AP3S2: variants seen among roughly 807,000 people sequenced by gnomAD.
AP3S2 encodes adaptor related protein complex 3 subunit sigma 2.
In AP3S2, 22 loss-of-function variants were observed where a neutral mutation model predicts 23.4. That is an observed-to-expected ratio of 0.94 (90% CI 0.67 to 1.34). The LOEUF (loss-of-function observed/expected upper bound fraction) is 1.34, where lower values mean the gene tolerates loss of function less well. Ranked by LOEUF, AP3S2 falls within the 40% of genes most tolerant of loss-of-function variation. AP3S2 has a pLI of 0.00. For missense variants in AP3S2, 241 were observed against 236.9 expected (o/e 1.02, Z -0.11); for synonymous variants, 86 against 87.1 (o/e 0.99, Z 0.07).
chr15:89,852,290 GT>G (rs1457109399), intron 4 of AP3S2: 1 of 152,188 alleles, frequency 6.6e-6, no homozygotes, highest in East Asian at 1.9e-4. Flanking sequence ...TATCTATTAC[GT>G]GCCTAGTTCT....
intron 4 of AP3S2, among the ~76,000 whole-genome samples, chr15:89,869,567 T>TAAA (rs527600193): frequency 4.9e-5 from 6 of 123,404 alleles, no homozygotes; most frequent in African/African-American, 1.5e-4. Context: ...GAATTATCAA[T>TAAA]AAAAAAAAAA....
intron 4 of AP3S2, among the ~76,000 whole-genome samples, chr15:89,859,009 GTTTTTTTCTTTT>G (rs918757193): frequency 3.3e-5 from 5 of 151,190 alleles, no homozygotes; most frequent in East Asian, 2.0e-4. Flanking sequence ...CCTTGCTTTT[GTTTTTTTCTTTT>G]TTTTTTTCTT....
At chr15:89,856,327 C>G (rs1895834751) in intron 4 of AP3S2, among the ~76,000 whole-genome samples, 1 of 152,176 alleles carries the variant, frequency 6.6e-6, no homozygotes, top group South Asian at 2.1e-4. Flanking sequence ...CTTTGGGAGG[C>G]TGAGGAGGAT....
chr15:89,890,608 T>C (rs972319176), intron 1 of AP3S2, among the ~76,000 whole-genome samples: 1 of 152,228 alleles, frequency 6.6e-6, no homozygotes, highest in Non-Finnish European at 1.5e-5. Flanking sequence ...GGTTAAGTCC[T>C]GAGATGCAAG....
intron 3 of AP3S2, among the ~76,000 whole-genome samples, chr15:89,872,221 A>T (rs920933307): frequency 6.6e-6 from 1 of 152,120 alleles, no homozygotes; most frequent in South Asian, 2.1e-4. Context: ...TGTACAAAAA[A>T]TTTTTCATTA....
chr15:89,853,033 A>G (rs2141853221), intron 4 of AP3S2, among the ~76,000 whole-genome samples: 1 of 152,300 alleles, frequency 6.6e-6, no homozygotes, highest in East Asian at 1.9e-4. Flanking sequence ...AAAATTCATG[A>G]AAATTCACTT....
intron 4 of AP3S2, among the ~76,000 whole-genome samples, chr15:89,854,500 G>A (rs1410076871): frequency 5.0e-5 from 3 of 60,164 alleles, no homozygotes; most frequent in Admixed American, 2.8e-4. Flanking sequence ...CCGGCCAGCC[G>A]CCCCGTCCGG....
At chr15:89,869,111 G>A (rs1246738057) in intron 4 of AP3S2, among the ~76,000 whole-genome samples, 2 of 152,318 alleles carry the variant, frequency 1.3e-5, no homozygotes, top group African/African-American at 4.8e-5. Flanking sequence ...TGACAATGGC[G>A]GCTTTGTGGA....
At chr15:89,841,170 G>A (rs1596187085) in intron 4 of AP3S2, among the ~76,000 whole-genome samples, 1 of 152,286 alleles carries the variant, frequency 6.6e-6, no homozygotes, top group East Asian at 1.9e-4. Context: ...CTAGTGGCTG[G>A]TTAACAGAAA....
chr15:89,881,909 C>T (rs985366654), intron 3 of AP3S2, among the ~76,000 whole-genome samples: 10 of 151,948 alleles, frequency 6.6e-5, no homozygotes, highest in African/African-American at 1.9e-4. Flanking sequence ...CAACCTCCAC[C>T]TCCCGGGTTC....
chr15:89,852,837 C>T (rs1308501178), intron 4 of AP3S2, among the ~76,000 whole-genome samples: 3 of 152,154 alleles, frequency 2.0e-5, no homozygotes, highest in African/African-American at 7.2e-5. Flanking sequence ...TACATGCTGG[C>T]TCAAAGACTT....
chr15:89,856,407 T>C (rs1895837176), intron 4 of AP3S2, among the ~76,000 whole-genome samples: 1 of 150,680 alleles, frequency 6.6e-6, no homozygotes, highest in Non-Finnish European at 1.5e-5. Context: ...TACTAAAAAA[T>C]ACAAAAATTA....
At chr15:89,890,444 CAGA>C (rs1896794404) in intron 1 of AP3S2, among the ~76,000 whole-genome samples, 1 of 152,172 alleles carries the variant, frequency 6.6e-6, no homozygotes, top group African/African-American at 2.4e-5. Context: ...ATATGAGTTT[CAGA>C]AGAAGTATGG....
intron 4 of AP3S2, among the ~76,000 whole-genome samples, chr15:89,854,148 A>G (rs62020479): frequency 5.8e-5 from 2 of 34,590 alleles, no homozygotes; most frequent in South Asian, 1.3e-3. Flanking sequence ...CTGGCCAGCC[A>G]TGCCGTCCGG....
At chr15:89,886,840 G>A (rs1896712583) in intron 3 of AP3S2, among the ~76,000 whole-genome samples, 1 of 152,082 alleles carries the variant, frequency 6.6e-6, no homozygotes, top group Non-Finnish European at 1.5e-5. Flanking sequence ...TGTTGCCCAG[G>A]CTGGAGTGGA....
At chr15:89,853,218 T>C (rs1895703621) in intron 4 of AP3S2, among the ~76,000 whole-genome samples, 1 of 152,060 alleles carries the variant, frequency 6.6e-6, no homozygotes, top group African/African-American at 2.4e-5. Flanking sequence ...TAGGAAGGTG[T>C]GTAAAGGATA....
intron 1 of AP3S2, chr15:89,889,387 G>A (rs1896768327): frequency 2.3e-6 from 1 of 439,218 alleles, no homozygotes; most frequent in South Asian, 3.0e-5. Context: ...AACCATTACT[G>A]TCCTATAGGT....
At chr15:89,852,616 T>G (rs1895686500) in intron 4 of AP3S2, 1 of 152,262 alleles carries the variant, frequency 6.6e-6, no homozygotes, top group Non-Finnish European at 1.5e-5. Context: ...TACCCTGGGA[T>G]TCTATCACTC....
chr15:89,842,420 A>T (rs1460692154), intron 4 of AP3S2, among the ~76,000 whole-genome samples: 1 of 152,230 alleles, frequency 6.6e-6, no homozygotes, highest in Non-Finnish European at 1.5e-5. Flanking sequence ...GGGGAAACAA[A>T]TTCAGAATAG....
Sources: allele counts gnomAD v4.1 joint callset (sites outside exome capture counted in the v4.1 genomes callset), GRCh38; gene constraint gnomAD v4.1.1; transcripts MANE v1.5; gene names NCBI Gene and HGNC (gene_info 2026-07-23, HGNC 2026-07-21).